The following TENM3 variants were observed in gnomAD, a reference collection of about 807,000 sequenced individuals.
The protein encoded by TENM3 is teneurin transmembrane protein 3, also known as teneurin-3.
TENM3 carries 63 observed loss-of-function variants against 255.1 expected under a neutral mutation model. That is an observed-to-expected ratio of 0.25 (90% CI 0.20 to 0.30). The LOEUF (loss-of-function observed/expected upper bound fraction) is 0.30. TENM3 is among the 10% of genes least tolerant of loss of function. The pLI is 1.00. For synonymous variants in TENM3, 1,306 were observed against 1,322.3 expected, an observed-to-expected ratio of 0.99 and a Z score of 0.27; for missense variants, 2,929 against 3,461.1, an observed-to-expected ratio of 0.85 and a Z score of 3.86.
chr4:181,534,622 G>T, the TENM3 span, among the ~76,000 whole-genome samples: 2 of 152,130 alleles, frequency 1.3e-5, no homozygotes, highest in Non-Finnish European at 2.9e-5. Context: ...TTTCCGGACT[G>T]CCCAGAGAAG....
At chr4:181,587,746 A>G in the TENM3 span, among the ~76,000 whole-genome samples, 4 of 152,194 alleles carry the variant, frequency 2.6e-5, no homozygotes, top group African/African-American at 4.8e-5. Flanking sequence ...CCTTGTTTCA[A>G]TTACATCAGT....
At chr4:182,451,271 G>T (rs915549132) in intron 3 of TENM3, among the ~76,000 whole-genome samples, 8 of 152,194 alleles carry the variant, frequency 5.3e-5, no homozygotes, top group Admixed American at 2.0e-4. Flanking sequence ...CTAGTGTGGG[G>T]CATAATAGAA....
intron 26 of TENM3, among the ~76,000 whole-genome samples, chr4:182,795,929 T>A (rs898246313): frequency 1.3e-5 from 2 of 152,230 alleles, no homozygotes; most frequent in Admixed American, 1.3e-4. Flanking sequence ...ACCTCCAGAA[T>A]AGAATAAAAG....
chr4:182,605,638 G>A (rs1375828813), intron 4 of TENM3, among the ~76,000 whole-genome samples: 3 of 152,152 alleles, frequency 2.0e-5, no homozygotes, highest in East Asian at 1.9e-4. Context: ...TTGTGAGAAT[G>A]GGAAGAAACA....
At chr4:181,990,195 T>C in the TENM3 span, among the ~76,000 whole-genome samples, 3 of 152,150 alleles carry the variant, frequency 2.0e-5, no homozygotes, top group South Asian at 4.1e-4. Context: ...TTAAGCTTCA[T>C]CTAGCCTAAT....
chr4:182,275,169 A>C (rs1759918345), intron 1 of TENM3, among the ~76,000 whole-genome samples: 1 of 151,954 alleles, frequency 6.6e-6, no homozygotes, highest in East Asian at 1.9e-4. Flanking sequence ...GTTAGTTTTT[A>C]TTGTCGTCTC....
chr4:182,167,733 G>A (rs759991781), intron 1 of TENM3, among the ~76,000 whole-genome samples: 10 of 151,882 alleles, frequency 6.6e-5, no homozygotes, highest in Non-Finnish European at 1.2e-4. Flanking sequence ...AACATTAGCC[G>A]GGTGCAGGGG....
the TENM3 span, among the ~76,000 whole-genome samples, chr4:181,850,037 CCT>C: frequency 6.7e-6 from 1 of 149,842 alleles, no homozygotes; most frequent in African/African-American, 2.5e-5. Context: ...AAATTTAAAT[CCT>C]CTTTCTCCCT....
chr4:181,721,308 T>C, the TENM3 span, among the ~76,000 whole-genome samples: 5 of 151,564 alleles, frequency 3.3e-5, no homozygotes. Flanking sequence ...TGAGCTCATG[T>C]CTTGATTCTT....
the TENM3 span, among the ~76,000 whole-genome samples, chr4:181,793,420 G>C: frequency 6.6e-6 from 1 of 152,160 alleles, no homozygotes; most frequent in Non-Finnish European, 1.5e-5. Context: ...TGATTTTAGG[G>C]CCCATTTTGC....
At chr4:181,872,889 T>G in the TENM3 span, among the ~76,000 whole-genome samples, 1 of 152,208 alleles carries the variant, frequency 6.6e-6, no homozygotes, top group Non-Finnish European at 1.5e-5. Flanking sequence ...GAAAAACACA[T>G]AGTATCAACA....
chr4:181,930,575 T>A, the TENM3 span, among the ~76,000 whole-genome samples: 1 of 152,308 alleles, frequency 6.6e-6, no homozygotes, highest in Admixed American at 6.5e-5. Flanking sequence ...CACAGCCGAA[T>A]TCTACCAGAG....
chr4:181,562,837 G>C, the TENM3 span, among the ~76,000 whole-genome samples: 1 of 152,038 alleles, frequency 6.6e-6, no homozygotes, highest in Non-Finnish European at 1.5e-5. Flanking sequence ...ACCATGCCTG[G>C]CTAATTTTGG....
chr4:182,575,448 G>A (rs1048152824), intron 3 of TENM3, among the ~76,000 whole-genome samples: 5 of 152,110 alleles, frequency 3.3e-5, no homozygotes, highest in Non-Finnish European at 2.9e-5. Context: ...AACGAGTGGC[G>A]GCTGTGTTCC....
intron 3 of TENM3, among the ~76,000 whole-genome samples, chr4:182,529,540 C>T (rs1395781517): frequency 6.6e-6 from 1 of 151,976 alleles, no homozygotes. Flanking sequence ...CATTCTTCTT[C>T]CTTTCTTCTA....
chr4:182,613,394 C>T (rs1254556010), intron 4 of TENM3, among the ~76,000 whole-genome samples: 2 of 152,034 alleles, frequency 1.3e-5, no homozygotes, highest in African/African-American at 2.4e-5. Context: ...ATATTTAGTC[C>T]TGTTGTTCAG....
intron 3 of TENM3, among the ~76,000 whole-genome samples, chr4:182,392,963 G>T (rs11935533): frequency 0.24 from 35,975 of 152,146 alleles, 5,100 homozygotes; most frequent in Middle Eastern, 0.35. Flanking sequence ...GATGAGATTT[G>T]TGAGTATCTG....
the TENM3 span, among the ~76,000 whole-genome samples, chr4:181,857,364 G>A: frequency 6.6e-6 from 1 of 151,234 alleles, no homozygotes; most frequent in Non-Finnish European, 1.5e-5. Flanking sequence ...GGGGAGGGGT[G>A]GACCAGGGGA....
intron 1 of TENM3, among the ~76,000 whole-genome samples, chr4:182,274,765 A>G (rs974329188): frequency 1.8e-4 from 27 of 152,324 alleles, no homozygotes; most frequent in African/African-American, 6.5e-4. Flanking sequence ...CCTTGAGATT[A>G]AATGGCTATT....
Sources: gnomAD v4.1 joint callset for allele counts (sites outside exome capture counted in the v4.1 genomes callset) on GRCh38, gnomAD v4.1.1 for gene constraint, MANE v1.5 for transcripts, NCBI Gene and HGNC (gene_info 2026-07-23, HGNC 2026-07-21) for gene names.